The following RBM47 variants were observed in gnomAD, a reference collection of about 807,000 sequenced individuals.
RBM47 encodes the protein RNA-binding protein 47.
A neutral mutation model predicts 47.1 loss-of-function variants in RBM47; 21 were observed. That is an observed-to-expected ratio of 0.45 (90% CI 0.32 to 0.64). RBM47 has a LOEUF of 0.64. Among genes scored for constraint, RBM47 ranks in the 30% least tolerant of loss-of-function variants. The probability of loss-of-function intolerance (pLI) is 0.05; values close to 1 mark genes in which losing one functional copy is unlikely to be tolerated. For missense variants in RBM47, 708 were observed against 870.9 expected (o/e 0.81, Z 2.35); for synonymous variants, 375 against 361.7 (o/e 1.04, Z -0.42).
chr4:40,464,723 T>TA (rs1408036197), intron 3 of RBM47, among the ~76,000 whole-genome samples: 4 of 150,504 alleles, frequency 2.7e-5, no homozygotes, highest in Non-Finnish European at 5.9e-5. Flanking sequence ...CCGTCTCTAT[T>TA]AAAAATACAA....
intron 1 of RBM47, among the ~76,000 whole-genome samples, chr4:40,620,985 A>C (rs771126047): frequency 1.3e-5 from 2 of 150,244 alleles, no homozygotes; most frequent in Non-Finnish European, 2.9e-5. Flanking sequence ...ATGTCTTCCA[A>C]ATCAATTTAG....
intron 2 of RBM47, among the ~76,000 whole-genome samples, chr4:40,492,842 G>A (rs150156850): frequency 1.3e-5 from 2 of 152,188 alleles, no homozygotes; most frequent in African/African-American, 4.8e-5. Context: ...GGAATCAGGG[G>A]GCTGGAGCAT....
intron 3 of RBM47, among the ~76,000 whole-genome samples, chr4:40,445,160 G>A (rs1183787548): frequency 6.6e-6 from 1 of 151,554 alleles, no homozygotes; most frequent in Non-Finnish European, 1.5e-5. Flanking sequence ...TGTAGTCCCA[G>A]CCACAGGGGA....
chr4:40,425,784 T>A lies in RBM47; in HGVS notation c.*120A>T. ...GTATATAAAATAATTCAGAAATAAA[T>A]CTGCTAACATTCTTCACTTTCAGGT... On this transcript the variant is annotated 3_prime_UTR_variant, in exon 7 of 7. Transcript: ENST00000295971. 1 of 1,373,136 alleles carries A rather than the reference T, an allele frequency of 7.3e-7. No homozygotes were observed. 85.1% of individuals were successfully genotyped at this position (1,373,136 alleles called of 1,614,324 possible).
rs563938516 is a variant in RBM47 at position 40,474,234 on chromosome 4, T to G, written c.-154-7535A>C. The stretch of plus-strand genomic sequence containing the variant: ...GTACCTGACCTCTGATCTGTGAAGT[T>G]AGTCTAAACCTTTGAACCTTAGCTT... On this transcript the variant is annotated intron_variant, in intron 2 of 6. Coordinates refer to ENST00000295971, the MANE Select transcript of RBM47 (RefSeq NM_001098634.2). Among the ~76,000 whole-genome samples the G allele has an allele frequency of 3.9e-5, 6 of 152,348 alleles. No homozygotes were observed. In the South Asian group the frequency reaches 1.2e-3, roughly 32 times the overall value.
intron 3 of RBM47, among the ~76,000 whole-genome samples, chr4:40,460,959 C>T (rs1211210567): frequency 6.6e-6 from 1 of 150,732 alleles, no homozygotes; most frequent in Non-Finnish European, 1.5e-5. Context: ...TTTTCCCAGT[C>T]TCTATAATTA....
chr4:40,428,066 T>G (rs1237561813), intron 6 of RBM47, among the ~76,000 whole-genome samples: 1 of 152,032 alleles, frequency 6.6e-6, no homozygotes, highest in Non-Finnish European at 1.5e-5. Flanking sequence ...CGGTGCGTAC[T>G]CCTGTAGTTC....
chr4:40,436,836 T>C (rs1003834153), intron 4 of RBM47, 189 bp from the exon 5 acceptor site: 1 of 706,556 alleles, frequency 1.4e-6, no homozygotes, highest in Non-Finnish European at 2.6e-6. Flanking sequence ...CCTAAGCATG[T>C]CTTCTTAGTA....
intron 1 of RBM47, among the ~76,000 whole-genome samples, chr4:40,624,128 G>A (rs1016975392): frequency 9.2e-5 from 14 of 152,230 alleles, no homozygotes; most frequent in African/African-American, 3.1e-4. Context: ...CTGGGATTAC[G>A]GTGTGAGTGA....
intron 2 of RBM47, among the ~76,000 whole-genome samples, chr4:40,503,155 T>G (rs1723625430): frequency 6.6e-6 from 1 of 151,956 alleles, no homozygotes; most frequent in Non-Finnish European, 1.5e-5. Flanking sequence ...TACAAAGACA[T>G]GAAATCAGAA....
At chr4:40,572,466 T>C (rs1731824102) in intron 1 of RBM47, among the ~76,000 whole-genome samples, 1 of 152,052 alleles carries the variant, frequency 6.6e-6, no homozygotes. Flanking sequence ...CCTAACATTC[T>C]ACTTTTTGTG....
intron 2 of RBM47, chr4:40,544,200 T>C (rs1577924590): frequency 6.6e-6 from 1 of 152,346 alleles, no homozygotes; most frequent in Admixed American, 6.5e-5. Flanking sequence ...GTCATTCTTT[T>C]TGGCTGTGGG....
At chr4:40,517,327 G>A (rs915244826) in intron 2 of RBM47, among the ~76,000 whole-genome samples, 1 of 152,106 alleles carries the variant, frequency 6.6e-6, no homozygotes, top group Admixed American at 6.6e-5. Context: ...AGTAGAGACA[G>A]GGTTTCACCA....
At chr4:40,572,176 G>A (rs1731793652) in intron 1 of RBM47, among the ~76,000 whole-genome samples, 2 of 149,930 alleles carry the variant, frequency 1.3e-5, no homozygotes, top group Non-Finnish European at 3.0e-5. Context: ...TGAGGTCAGG[G>A]GTTCGAAACC....
chr4:40,533,919 G>T (rs188484307), intron 2 of RBM47, among the ~76,000 whole-genome samples: 3 of 151,754 alleles, frequency 2.0e-5, no homozygotes, highest in Non-Finnish European at 4.4e-5. Context: ...AGGTTAAAGC[G>T]ATTCTCCTGC....
At chr4:40,452,639 T>C (rs746382171) in intron 3 of RBM47, among the ~76,000 whole-genome samples, 4 of 152,148 alleles carry the variant, frequency 2.6e-5, no homozygotes, top group Admixed American at 1.3e-4. Context: ...AGGTCAAATC[T>C]ACCGTCTATT....
intron 2 of RBM47, among the ~76,000 whole-genome samples, chr4:40,494,493 T>G (rs1027682329): frequency 1.3e-4 from 20 of 152,138 alleles, no homozygotes; most frequent in African/African-American, 4.8e-4. Flanking sequence ...ACAGAGATAA[T>G]CCGGAGAGTC....
At chr4:40,461,281 A>C (rs16851453) in intron 3 of RBM47, among the ~76,000 whole-genome samples, 2 of 152,174 alleles carry the variant, frequency 1.3e-5, no homozygotes, top group Non-Finnish European at 2.9e-5. Context: ...CTAATACATC[A>C]GTAAAAACGC....
chr4:40,476,964 GT>G (rs1449559310), intron 2 of RBM47, among the ~76,000 whole-genome samples: 1 of 152,212 alleles, frequency 6.6e-6, no homozygotes, highest in Non-Finnish European at 1.5e-5. Flanking sequence ...GCCGGGTGTG[GT>G]GGCTCATGCC....
Sources: allele counts gnomAD v4.1 joint callset (sites outside exome capture counted in the v4.1 genomes callset), GRCh38; gene constraint gnomAD v4.1.1; transcripts MANE v1.5; gene names NCBI Gene and HGNC (gene_info 2026-07-23, HGNC 2026-07-21).